MDM2: variants seen among roughly 807,000 people sequenced by gnomAD.
The protein encoded by MDM2 is MDM2 proto-oncogene, also known as E3 ubiquitin-protein ligase Mdm2.
Under a neutral mutation model 64.3 loss-of-function variants are expected in MDM2, and 11 were observed. That is an observed-to-expected ratio of 0.17 (90% CI 0.11 to 0.28). The LOEUF is 0.28. MDM2 is among the 10% of genes least tolerant of loss of function. MDM2 has a pLI of 1.00. For synonymous variants in MDM2, 194 were observed against 192.9 expected (o/e 1.01, Z -0.05); for missense variants, 388 against 577.1 (o/e 0.67, Z 3.36).
chr12:68,814,134 C>T (rs1881150272), intron 3 of MDM2, among the ~76,000 whole-genome samples: 1 of 152,240 alleles, frequency 6.6e-6, no homozygotes, highest in Non-Finnish European at 1.5e-5. Context: ...CTCACTGCAA[C>T]CTCCGCCTCC....
At position 68,816,920 on chromosome 12, in the gene MDM2, C is replaced by T; in HGVS notation, c.283C>T (p.Pro95Ser). ...TCTTCTAGGAGATTTGTTTGGCGTG[C>T]CAAGCTTCTCTGTGAAAGAGCACAG... ...NDLLGDLFGVPSFSVKEHRKI... is the reference protein window; with the variant it reads ...NDLLGDLFGVSSFSVKEHRKI... Residue 95 changes from proline to serine, a missense_variant, in exon 4 of 11, where the codon CCA (proline) becomes TCA (serine). Coordinates refer to ENST00000258149, the MANE Select transcript of MDM2 (RefSeq NM_002392.6). The T allele has an allele frequency of 6.2e-7, 1 of 1,612,456 alleles. No individual in the cohort carries two copies. Among genetic ancestry groups the T allele is most frequent in the Non-Finnish European group, 8.5e-7 (1 of 1,179,626 alleles).
At chr12:68,846,848 A>G (rs1884329652), downstream of MDM2, 1 of 152,118 alleles carries the variant, frequency 6.6e-6, no homozygotes, top group Non-Finnish European at 1.5e-5. Context: ...AAATCTATAG[A>G]GCCTAGTATG....
intron 5 of MDM2, 144 bp from the exon 6 acceptor site, chr12:68,824,219 G>A (rs969530271): frequency 7.9e-5 from 47 of 591,720 alleles, no homozygotes; most frequent in East Asian, 4.3e-4. Context: ...GTATGAGGAT[G>A]CCACCTGGAA....
Position 68,808,349 on chromosome 12 carries a change from C to T in MDM2, c.-129C>T. On this transcript the variant is annotated 5_prime_UTR_variant, in exon 1 of 11. The change creates a new upstream start codon in the 5' untranslated region. Transcript: ENST00000258149. ...CCGTCCCTCCCCGGATTAGTGCGTA[C>T]GAGCGCCCAGTGCCCTGGCCCGGAG... The T allele has an allele frequency of 8.0e-7, 1 of 1,257,644 alleles. No individual in the cohort carries two copies. 77.9% of individuals were successfully genotyped at this position (1,257,644 alleles called of 1,614,324 possible). A position where few individuals can be genotyped will look rare whatever the true frequency, so the allele number is the denominator to read the frequency against.
chr12:68,819,737 G>A (rs960483837), intron 4 of MDM2, among the ~76,000 whole-genome samples: 5 of 152,128 alleles, frequency 3.3e-5, no homozygotes, highest in Admixed American at 6.6e-5. Flanking sequence ...GTGATCTGCC[G>A]GACTCGGCCT....
At chr12:68,823,917 C>T (rs1882082309) in intron 5 of MDM2, among the ~76,000 whole-genome samples, 1 of 152,178 alleles carries the variant, frequency 6.6e-6, no homozygotes, top group South Asian at 2.1e-4. Flanking sequence ...GCCTACATTC[C>T]AGTAATAATG....
rs1278394053 is a variant in MDM2 at position 68,824,669 on chromosome 12, T to C, written c.523+18T>C. The C allele has an allele frequency of 6.9e-7, 1 of 1,446,744 alleles. No homozygotes were observed. Among genetic ancestry groups the C allele is most frequent in the South Asian group, 1.2e-5 (1 of 84,100 alleles). 89.6% of individuals were successfully genotyped at this position (1,446,744 alleles called of 1,614,324 possible). A position where few individuals can be genotyped will look rare whatever the true frequency, so the allele number is the denominator to read the frequency against. On this transcript the variant is annotated intron_variant, in intron 7 of 10. Transcript: ENST00000258149. ...TGAGACAGGTATATATGAATATTTA[T>C]TTGACGCATTCACACAGCTTTTTGA...
At chr12:68,847,210 A>ATATATATATATATATATATATATG (rs1565756805), downstream of MDM2, 8 of 135,128 alleles carry the variant, frequency 5.9e-5, 2 homozygotes, top group African/African-American at 2.5e-4. Context: ...ATATATATAT[A>ATATATATATATATATATATATATG]TACTTTTTTT....
chr12:68,826,277 G>T lies in MDM2; in HGVS notation c.523+1626G>T, dbSNP rs562150111. 2.0e-5 allele frequency among the ~76,000 whole-genome samples: 3 copies of T among 152,102 alleles called. No homozygotes were observed. The South Asian group carries it at 6.2e-4, about 32-fold the overall frequency. ...CCTTACTCATCAGTGCTAATAACTT[G>T]TGTATTAGCACTGATAAACTGTTGG... On this transcript the variant is annotated intron_variant, in intron 7 of 10. Coordinates refer to ENST00000258149, the MANE Select transcript of MDM2 (RefSeq NM_002392.6).
chr12:68,816,733 A>G (rs1168319640), intron 3 of MDM2, 79 bp from the exon 4 acceptor site: 1 of 1,212,722 alleles, frequency 8.2e-7, no homozygotes, highest in Non-Finnish European at 1.1e-6. Flanking sequence ...CCCTATTCAG[A>G]TAAATAGGAT....
chr12:68,847,452 C>CTATTTTT (rs1884399137), downstream of MDM2: 1 of 88,722 alleles, frequency 1.1e-5, no homozygotes, highest in Non-Finnish European at 2.0e-5. Flanking sequence ...TATCTCCTTT[C>CTATTTTT]TTTTTTTTTT....
At chr12:68,811,601 ATTTTTTT>A (rs34328350) in intron 2 of MDM2, among the ~76,000 whole-genome samples, 1 of 114,364 alleles carries the variant, frequency 8.7e-6, no homozygotes, top group African/African-American at 3.5e-5. Flanking sequence ...TCCATTACAG[ATTTTTTT>A]TTTTTTTTTT....
At chr12:68,809,434 A>G in intron 2 of MDM2, 142 bp downstream of exon 2, 1 of 760,046 alleles carries the variant, frequency 1.3e-6, no homozygotes, top group Non-Finnish European at 2.2e-6. Flanking sequence ...CTCTGGCGTA[A>G]CTGCGTGGAG....
In MDM2 at chr12:68,843,440, T is replaced by C. The variant is rs1883980401; in HGVS notation, c.*3591T>C. On this transcript the variant is annotated 3_prime_UTR_variant, in exon 11 of 11. Coordinates refer to ENST00000258149, the MANE Select transcript of MDM2 (RefSeq NM_002392.6). ...TGTATGTGAAACAGTACATACACCATATTTACAATTATGTATTTAACATTT... is the reference window on the plus strand; with the variant it reads ...TGTATGTGAAACAGTACATACACCACATTTACAATTATGTATTTAACATTT... 4 of 229,262 alleles carry C rather than the reference T, an allele frequency of 1.7e-5. No individual in the cohort carries two copies. Among genetic ancestry groups the C allele is most frequent in the Non-Finnish European group, 2.6e-5 (3 of 115,676 alleles). 14.2% of individuals were successfully genotyped at this position (229,262 alleles called of 1,614,324 possible).
chr12:68,813,178 T>C (rs1881056140), intron 2 of MDM2, among the ~76,000 whole-genome samples: 1 of 152,188 alleles, frequency 6.6e-6, no homozygotes, highest in Non-Finnish European at 1.5e-5. Context: ...ACCTAATCTT[T>C]AGAAAGAGAA....
Position 68,841,289 on chromosome 12 carries a change from G to A in MDM2, c.*1440G>A, listed in dbSNP as rs1476564037. ...TTCTTGATTTAACAATAGAGACAGG[G>A]TCTCCCTGTGTTGCCCAGGCTGGTC... On this transcript the variant is annotated 3_prime_UTR_variant, in exon 11 of 11. Transcript: ENST00000258149. 1 of 203,178 alleles carries A rather than the reference G, an allele frequency of 4.9e-6. No individual in the cohort carries two copies. Among genetic ancestry groups the A allele is most frequent in the African/African-American group, 2.3e-5 (1 of 43,554 alleles). 12.6% of individuals were successfully genotyped at this position (203,178 alleles called of 1,614,324 possible).
At chr12:68,825,359 A>G (rs1264048979) in intron 7 of MDM2, among the ~76,000 whole-genome samples, 1 of 151,886 alleles carries the variant, frequency 6.6e-6, no homozygotes, top group African/African-American at 2.4e-5. Context: ...CATTTTAGAA[A>G]TGAAGAGATA....
At chr12:68,831,060 G>A (rs1462238858) in intron 8 of MDM2, among the ~76,000 whole-genome samples, 2 of 152,162 alleles carry the variant, frequency 1.3e-5, no homozygotes, top group Non-Finnish European at 2.9e-5. Flanking sequence ...ATGATATTTA[G>A]AGTCCTTGTT....
chr12:68,832,835 A>G (rs1461551684), intron 8 of MDM2, among the ~76,000 whole-genome samples: 5 of 151,868 alleles, frequency 3.3e-5, no homozygotes, highest in South Asian at 2.1e-4. Flanking sequence ...TTTTAAATAT[A>G]TAGTATTTAG....
Sources: allele counts gnomAD v4.1 joint callset (sites outside exome capture counted in the v4.1 genomes callset), GRCh38; gene constraint gnomAD v4.1.1; transcripts MANE v1.5; gene names NCBI Gene and HGNC (gene_info 2026-07-23, HGNC 2026-07-21).